CNKSR3: variants seen among roughly 807,000 people sequenced by gnomAD.
The protein encoded by CNKSR3 is CNKSR family member 3, also known as connector enhancer of kinase suppressor of ras 3.
A neutral mutation model predicts 67.7 loss-of-function variants in CNKSR3; 36 were observed. The observed-to-expected ratio is 0.53, with a 90% confidence interval of 0.41 to 0.70. CNKSR3 has a LOEUF of 0.70. CNKSR3 is among the 30% of genes least tolerant of loss of function. CNKSR3 has a pLI of 0.00. For missense variants in CNKSR3, 630 were observed against 695.2 expected, an observed-to-expected ratio of 0.91 and a Z score of 1.05; for synonymous variants, 281 against 271.4, an observed-to-expected ratio of 1.04 and a Z score of -0.35.
At chr6:154,454,929 G>A (rs541069181) in intron 1 of CNKSR3, among the ~76,000 whole-genome samples, 9 of 152,042 alleles carry the variant, frequency 5.9e-5, no homozygotes, top group Non-Finnish European at 1.0e-4. Flanking sequence ...TTCCCAGAAC[G>A]TGTTCCCAAA....
Position 154,450,259 on chromosome 6 carries a change from C to T in CNKSR3, c.53-1G>A. 1 of 1,613,164 alleles carries T rather than the reference C, an allele frequency of 6.2e-7. No individual in the cohort carries two copies. Among genetic ancestry groups the T allele is most frequent in the Non-Finnish European group, 8.5e-7 (1 of 1,179,392 alleles). ...TATTGTTGCAGGCAGTCATCCAACC[C>T]TGCCAAAAACAATCAGAAGTCCCAT... On this transcript the variant is annotated splice_acceptor_variant, in intron 1 of 12. Coordinates refer to ENST00000607772, the MANE Select transcript of CNKSR3 (RefSeq NM_173515.4). LOFTEE classifies it high-confidence loss of function.
At chr6:154,410,878 G>A (rs1310064520) in intron 11 of CNKSR3, 56 bp downstream of exon 11, 16 of 1,367,796 alleles carry the variant, frequency 1.2e-5, no homozygotes, top group Non-Finnish European at 1.5e-5. Flanking sequence ...TAAGGCAGGG[G>A]GCGGGGAGGA....
intron 4 of CNKSR3, among the ~76,000 whole-genome samples, chr6:154,436,286 C>T (rs764883351): frequency 6.6e-6 from 1 of 152,348 alleles, no homozygotes; most frequent in East Asian, 1.9e-4. Flanking sequence ...ATCCTCCCAC[C>T]TCAGCCTCCC....
At chr6:154,464,785 C>G (rs1336321627) in intron 1 of CNKSR3, among the ~76,000 whole-genome samples, 6 of 151,742 alleles carry the variant, frequency 4.0e-5, no homozygotes, top group Non-Finnish European at 5.9e-5. Context: ...AAAGCCCAGG[C>G]CACCAGTGCG....
intron 1 of CNKSR3, among the ~76,000 whole-genome samples, chr6:154,503,392 G>A (rs985128128): frequency 2.6e-5 from 4 of 152,138 alleles, no homozygotes; most frequent in African/African-American, 9.7e-5. Flanking sequence ...TTGGGAGACC[G>A]AGCCGGGAGG....
At chr6:154,506,955 C>T (rs779010225) in intron 1 of CNKSR3, among the ~76,000 whole-genome samples, 4 of 152,122 alleles carry the variant, frequency 2.6e-5, no homozygotes, top group Non-Finnish European at 5.9e-5. Context: ...TAGATGTGGC[C>T]TTGGGAAGAA....
At position 154,410,965 on chromosome 6, in the gene CNKSR3, G is replaced by C; in HGVS notation, c.1248C>G (p.Pro416=). 1 of 1,612,586 alleles carries C rather than the reference G, an allele frequency of 6.2e-7. No individual in the cohort carries two copies. The highest frequency in any genetic ancestry group is 8.5e-7 in the Non-Finnish European group (1 of 1,179,186). The change falls in exon 11 of 13, where the codon CCC becomes CCG. Residue 416 remains proline (P), a synonymous_variant. Coordinates refer to ENST00000607772, the MANE Select transcript of CNKSR3 (RefSeq NM_173515.4). ...PGYSVETNIL[P]TKMREKTPSY... ...ATGGTGTTTTCTCTCTCATTTTTGT[G>C]GGCAGAATGTTGGTTTCCACCGAGT...
rs1786695495 is a variant in CNKSR3 at position 154,487,333 on chromosome 6, T to C, written c.52+22730A>G. ...AGCACTTAAAATATGGCTGATATTA[T>C]GATAAATGCTTCACTCACATTATCT... On this transcript the variant is annotated intron_variant, in intron 1 of 12. Transcript: ENST00000607772. 2.0e-5 allele frequency among the ~76,000 whole-genome samples: 3 copies of C among 152,238 alleles called. 1 individual carries two copies.
At chr6:154,470,523 A>G (rs749044681) in intron 1 of CNKSR3, among the ~76,000 whole-genome samples, 20 of 152,122 alleles carry the variant, frequency 1.3e-4, no homozygotes, top group Non-Finnish European at 2.8e-4. Context: ...TTTCATATAA[A>G]TCATTTCATA....
At position 154,405,373 on chromosome 6, in the gene CNKSR3, A is replaced by G. The variant is rs931431764; in HGVS notation, c.*981T>C. ...GATAGTACTTTTCCATTCTAACAAAATATCATACATTCAGTTTAAACAAGA... is the reference window on the plus strand; with the variant it reads ...GATAGTACTTTTCCATTCTAACAAAGTATCATACATTCAGTTTAAACAAGA... On this transcript the variant is annotated 3_prime_UTR_variant, in exon 13 of 13. Coordinates refer to ENST00000607772, the MANE Select transcript of CNKSR3 (RefSeq NM_173515.4). 12 of 152,666 alleles carry G rather than the reference A, an allele frequency of 7.9e-5. No individual in the cohort carries two copies. Among genetic ancestry groups the G allele is most frequent in the African/African-American group, 2.9e-4 (12 of 41,456 alleles). The allele number at this position is 152,666 out of a possible 1,614,324, so 9.5% of individuals were successfully genotyped here.
intron 9 of CNKSR3, among the ~76,000 whole-genome samples, chr6:154,415,025 G>A (rs1430826609): frequency 6.8e-6 from 1 of 146,284 alleles, no homozygotes; most frequent in East Asian, 2.1e-4. Context: ...TTGAGCCCAG[G>A]AGGCAGAAGT....
chr6:154,418,383 C>G (rs1405540038), intron 9 of CNKSR3, among the ~76,000 whole-genome samples: 1 of 152,184 alleles, frequency 6.6e-6, no homozygotes, highest in Non-Finnish European at 1.5e-5. Flanking sequence ...GAAACCTTAT[C>G]TAAGACACCG....
At chr6:154,436,673 A>G (rs1450067492) in intron 4 of CNKSR3, among the ~76,000 whole-genome samples, 1 of 151,958 alleles carries the variant, frequency 6.6e-6, no homozygotes, top group African/African-American at 2.4e-5. Context: ...TTCTTTCCAG[A>G]CTGAAACTCA....
At chr6:154,466,402 A>G (rs1786199559) in intron 1 of CNKSR3, among the ~76,000 whole-genome samples, 1 of 152,156 alleles carries the variant, frequency 6.6e-6, no homozygotes, top group South Asian at 2.1e-4. Context: ...CCCCACAGAA[A>G]CACGCACAAG....
In CNKSR3 at chr6:154,406,348, T is replaced by A; in HGVS notation, c.*6A>T. The A allele has an allele frequency of 6.2e-7, 1 of 1,604,540 alleles. No homozygotes were observed. Among genetic ancestry groups the A allele is most frequent in the Non-Finnish European group, 8.5e-7 (1 of 1,175,806 alleles). ...AGCCAGGCAGGTGGCCTGAGCAGGG[T>A]CCCTCTCAGTGAGTCAACAGTTTGA... On this transcript the variant is annotated 3_prime_UTR_variant, in exon 13 of 13. Coordinates refer to ENST00000607772, the MANE Select transcript of CNKSR3 (RefSeq NM_173515.4).
chr6:154,451,277 C>A (rs1785820239), intron 1 of CNKSR3, among the ~76,000 whole-genome samples: 1 of 152,184 alleles, frequency 6.6e-6, no homozygotes, highest in South Asian at 2.1e-4. Flanking sequence ...AATAATTTTA[C>A]TGGAATAACA....
In CNKSR3 at chr6:154,392,614, A is replaced by G. The variant is rs966760164; in HGVS notation, c.*13740T>C. On this transcript the variant is annotated 3_prime_UTR_variant, in exon 13 of 13. Coordinates refer to ENST00000607772, the MANE Select transcript of CNKSR3 (RefSeq NM_173515.4). ...TTGTAAGCTCTATGATGAAGGAGGC[A>G]CCAGCCTCTCTATTGGCATCATCAG... 2.0e-5 allele frequency: 3 copies of G among 152,250 alleles called. No homozygotes were observed. The highest frequency in any genetic ancestry group is 2.0e-4 in the Admixed American group (3 of 15,292). The allele number at this position is 152,250 out of a possible 1,614,324, so 9.4% of individuals were successfully genotyped here.
chr6:154,458,622 G>A (rs760326683), intron 1 of CNKSR3, among the ~76,000 whole-genome samples: 15 of 151,982 alleles, frequency 9.9e-5, no homozygotes, highest in South Asian at 6.3e-4. Context: ...CTACAGCCCC[G>A]TCCCCAGCTG....
intron 9 of CNKSR3, among the ~76,000 whole-genome samples, chr6:154,415,981 A>T (rs555017375): frequency 9.8e-5 from 15 of 152,324 alleles, no homozygotes; most frequent in African/African-American, 2.9e-4. Context: ...GGGCAGACAT[A>T]AAAAGGTACC....
Sources: gnomAD v4.1 joint callset for allele counts (sites outside exome capture counted in the v4.1 genomes callset) on GRCh38, gnomAD v4.1.1 for gene constraint, MANE v1.5 for transcripts, NCBI Gene and HGNC (gene_info 2026-07-23, HGNC 2026-07-21) for gene names.